CFAP65: variants seen among roughly 807,000 people sequenced by gnomAD.
The protein encoded by CFAP65 is cilia and flagella associated protein 65.
CFAP65 carries 155 observed loss-of-function variants against 208.0 expected under a neutral mutation model. The ratio of observed to expected loss-of-function variants is 0.75; its 90% CI spans 0.65 to 0.85. The LOEUF is 0.85. CFAP65 is among the 40% of genes least tolerant of loss of function. CFAP65 has a pLI of 0.00. For synonymous variants in CFAP65, 970 were observed against 986.3 expected, an observed-to-expected ratio of 0.98 and a Z score of 0.31; for missense variants, 2,294 against 2,451.3, an observed-to-expected ratio of 0.94 and a Z score of 1.36.
chr2:219,022,957 C>T (rs1204938496), intron 16 of CFAP65, among the ~76,000 whole-genome samples: 1 of 152,222 alleles, frequency 6.6e-6, no homozygotes, highest in Non-Finnish European at 1.5e-5. Context: ...ATCAGAAACA[C>T]TGGTTCCAGT....
At position 219,010,975 on chromosome 2, in the gene CFAP65, CA is replaced by C. The variant is rs1946435305; in HGVS notation, c.3978del (p.Gly1327AlafsTer5). On this transcript the variant is annotated frameshift_variant, in exon 25 of 35. Coordinates refer to ENST00000341552, the MANE Select transcript of CFAP65 (RefSeq NM_194302.4). LOFTEE classifies it high-confidence loss of function. ...ACCTCATATGTCACGGGCACTGAGC[CA>C]CCATTATACAGCTCATAAATCTGCA... is the stretch of plus-strand genomic sequence containing the variant. The part of the protein sequence containing the change: ...PPRQIYELYN[G>X]GSVPVTYEVQ... 1.2e-6 allele frequency: 2 copies of C among 1,609,062 alleles called. No individual in the cohort carries two copies. The highest frequency in any genetic ancestry group is 2.7e-5 in the African/African-American group (2 of 74,884).
Position 219,024,160 on chromosome 2 carries a change from C to A in CFAP65, c.2450G>T (p.Gly817Val). Residue 817 changes from glycine to valine, a missense_variant, in exon 15 of 35, where the codon GGC becomes GTC. Physicochemically the swap from Gly to Val is moderately radical, Grantham distance 109. This residue lies in a region of CFAP65 where 1,427 missense variants were observed against 1,438.7 expected (regional missense o/e 0.99). Coordinates refer to ENST00000341552, the MANE Select transcript of CFAP65 (RefSeq NM_194302.4). ...LLTFSLAPQR[G>V]SDVILRPTSG... Reference sequence around the variant, plus strand: ...AGTGGGCCGAAGGATGACGTCTGAGCCTCTCTGGGGGGCCAGGCTGAAGGT... The same window carrying A: ...AGTGGGCCGAAGGATGACGTCTGAGACTCTCTGGGGGGCCAGGCTGAAGGT... 2 of 1,614,006 alleles carry A rather than the reference C, an allele frequency of 1.2e-6. No individual in the cohort carries two copies. Among genetic ancestry groups the A allele is most frequent in the Non-Finnish European group, 1.7e-6 (2 of 1,180,030 alleles).
intron 14 of CFAP65, among the ~76,000 whole-genome samples, chr2:219,025,710 A>G (rs746994352): frequency 2.6e-4 from 39 of 152,166 alleles, no homozygotes; most frequent in Non-Finnish European, 5.1e-4. Flanking sequence ...TTCAGTAAAC[A>G]GGACACAAAC....
At chr2:219,010,516 C>T in intron 26 of CFAP65, 30 bp downstream of exon 26, 1 of 1,599,474 alleles carries the variant, frequency 6.3e-7, no homozygotes, top group Middle Eastern at 2.3e-4. Context: ...CCCACAAGGC[C>T]TCAGGCCTTC....
Position 219,031,522 on chromosome 2 carries a change from G to A in CFAP65, c.782C>T (p.Thr261Met), listed in dbSNP as rs568012659. Residue 261 changes from threonine (T) to methionine (M), a missense_variant, in exon 7 of 35, where the codon ACG (threonine) becomes ATG (methionine). By Grantham distance (81) the Thr-to-Met change is moderately conservative. This residue lies in a region of CFAP65 where 867 missense variants were observed against 1,012.6 expected (regional missense o/e 0.86). Coordinates refer to ENST00000341552, the MANE Select transcript of CFAP65 (RefSeq NM_194302.4). The surrounding 1 kb of genome is among the most constrained non-coding windows in gnomAD (Gnocchi z 5.2). ...LQLPMCAVGDTTEAFFCLDNV... is the reference protein window; with the variant it reads ...LQLPMCAVGDMTEAFFCLDNV... ...ATCCAGGCAGAAAAAGGCCTCAGTC[G>A]TATCTCCCACAGCACACATGGGCAG... is the stretch of plus-strand genomic sequence containing the variant. 5.0e-5 allele frequency: 81 copies of A among 1,614,094 alleles called. No individual in the cohort carries two copies. The highest frequency in any genetic ancestry group is 6.4e-5 in the Non-Finnish European group (75 of 1,180,044).
In CFAP65 at chr2:219,035,189, G is replaced by C. The variant is rs959380754; in HGVS notation, c.542+291C>G. 3.8e-6 allele frequency: 3 copies of C among 789,984 alleles called. No homozygotes were observed. In the South Asian group the frequency reaches 6.2e-5, roughly 16 times the overall value. 48.9% of individuals were successfully genotyped at this position (789,984 alleles called of 1,614,324 possible). On this transcript the variant is annotated intron_variant, in intron 5 of 34. Transcript: ENST00000341552. ...TCCCCAGAAAAACTCTTGTACTTATGTAACTGGACACATATACACGAATGC... is the reference window on the plus strand; with the variant it reads ...TCCCCAGAAAAACTCTTGTACTTATCTAACTGGACACATATACACGAATGC...
intron 19 of CFAP65, 109 bp downstream of exon 19, chr2:219,021,043 T>G: frequency 3.1e-6 from 4 of 1,297,074 alleles, no homozygotes; most frequent in Non-Finnish European, 4.1e-6. Flanking sequence ...CACACCCCAC[T>G]CACCCTGCCA....
intron 14 of CFAP65, 66 bp from the exon 15 acceptor site, chr2:219,024,326 G>A: frequency 6.5e-7 from 1 of 1,542,706 alleles, no homozygotes; most frequent in East Asian, 2.3e-5. Flanking sequence ...CACACTCAGG[G>A]CCCTATGGGG....
intron 24 of CFAP65, 57 bp from the exon 25 acceptor site, chr2:219,011,053 A>G: frequency 6.6e-7 from 1 of 1,504,724 alleles, no homozygotes; most frequent in Non-Finnish European, 9.0e-7. Flanking sequence ...CAAATCAGAA[A>G]GCCTGGGATG....
rs181278224 is a variant in CFAP65 at position 219,004,834 on chromosome 2, G to C, written c.5052-379C>G. On this transcript the variant is annotated intron_variant, in intron 32 of 34. Coordinates refer to ENST00000341552, the MANE Select transcript of CFAP65 (RefSeq NM_194302.4). The surrounding 1 kb of genome is among the most constrained non-coding windows in gnomAD (Gnocchi z 4.7). ...ACTGTCCTGGGGTGGGGGGGCCGGG[G>C]GGGGGGACCGTGGTGGGATCTTGCA... is the stretch of plus-strand genomic sequence containing the variant. Among the ~76,000 whole-genome samples the C allele has an allele frequency of 1.0e-4, 15 of 147,576 alleles. No individual in the cohort carries two copies. Among genetic ancestry groups the C allele is most frequent in the East Asian group, 2.1e-4 (1 of 4,838 alleles).
At chr2:219,036,547 T>C (rs185263141) in intron 4 of CFAP65, among the ~76,000 whole-genome samples, 2,488 of 151,830 alleles carry the variant, frequency 0.016, 81 homozygotes, top group African/African-American at 0.057. Context: ...CAGGTTCAAG[T>C]GATTTTCTCG....
At chr2:219,023,885 T>C (rs1027127165) in intron 15 of CFAP65, 130 bp downstream of exon 15, 5 of 1,140,954 alleles carry the variant, frequency 4.4e-6, no homozygotes, top group Middle Eastern at 2.5e-4. Context: ...TTCCCTACTA[T>C]GCTACTTCCT....
chr2:219,024,695 G>A (rs1224859868), intron 14 of CFAP65, among the ~76,000 whole-genome samples: 5 of 152,196 alleles, frequency 3.3e-5, no homozygotes, highest in African/African-American at 4.8e-5. Context: ...CCAGCACTCC[G>A]GGAGGCTGAG....
chr2:219,022,513 C>T (rs1041204601), intron 16 of CFAP65, among the ~76,000 whole-genome samples, 184 bp from the exon 17 acceptor site: 1 of 152,204 alleles, frequency 6.6e-6, no homozygotes, highest in South Asian at 2.1e-4. Flanking sequence ...TATATCCCCA[C>T]GGGGTCAGTA....
chr2:219,040,612 C>A (rs1272672050), intron 1 of CFAP65, 48 bp from the exon 2 acceptor site: 2 of 1,552,188 alleles, frequency 1.3e-6, no homozygotes, highest in Non-Finnish European at 1.7e-6. Context: ...ACGGGATGGT[C>A]TTGCAGCCCT....
rs760671678 is a variant in CFAP65 at position 219,026,127 on chromosome 2, G to T, written c.2244C>A (p.Asp748Glu). The stretch of plus-strand genomic sequence containing the variant: ...GGCACCAGGATGGGCACATGGTGCA[G>T]TCCTCCTCAATATTACTGTAGCTCT... ...VLQSYSNIEEDCTMCPSWCLT... is the reference protein window; with the variant it reads ...VLQSYSNIEEECTMCPSWCLT... The change falls in exon 14 of 35, where the codon GAC becomes GAA. Residue 748 changes from aspartate (D) to glutamate (E), a missense_variant. Physicochemically the swap from Asp to Glu is conservative, Grantham distance 45. Transcript: ENST00000341552. 6.2e-7 allele frequency: 1 copy of T among 1,613,940 alleles called. No homozygotes were observed. Among genetic ancestry groups the T allele is most frequent in the Non-Finnish European group, 8.5e-7 (1 of 1,179,926 alleles).
At position 219,013,499 on chromosome 2, in the gene CFAP65, C is replaced by G; in HGVS notation, c.3846+20G>C. On this transcript the variant is annotated intron_variant, in intron 23 of 34. Transcript: ENST00000341552. ...CCTCCAGCCTGAAACTAGGGCAGGG[C>G]CAGTGTGCTGGGGCCTCACCAGGAT... The G allele has an allele frequency of 6.3e-7, 1 of 1,589,870 alleles. No homozygotes were observed. The highest frequency in any genetic ancestry group is 8.6e-7 in the Non-Finnish European group (1 of 1,169,400).
intron 13 of CFAP65, chr2:219,027,078 G>A (rs773585098): frequency 4.1e-5 from 42 of 1,033,678 alleles, no homozygotes; most frequent in Admixed American, 5.0e-5. Flanking sequence ...CTGGGCAAGG[G>A]CAGTGGGGTG....
At chr2:219,027,509 G>A (rs761628584) in intron 13 of CFAP65, 141 bp downstream of exon 13, 21 of 1,602,426 alleles carry the variant, frequency 1.3e-5, no homozygotes, top group Admixed American at 3.4e-5. Context: ...AACTCATAGG[G>A]GTCACTGTCC....
Sources: allele counts gnomAD v4.1 joint callset (sites outside exome capture counted in the v4.1 genomes callset), GRCh38; gene constraint gnomAD v4.1.1; regional missense constraint gnomAD v4.1.1; non-coding constraint Gnocchi (gnomAD v3.1); transcripts MANE v1.5; gene names NCBI Gene and HGNC (gene_info 2026-07-23, HGNC 2026-07-21).